GRM8: variants seen among roughly 807,000 people sequenced by gnomAD.
The protein encoded by GRM8 is metabotropic glutamate receptor 8.
A neutral mutation model predicts 87.2 loss-of-function variants in GRM8; 47 were observed. The observed-to-expected ratio is 0.54, with a 90% CI of 0.43 to 0.69. The LOEUF (loss-of-function observed/expected upper bound fraction) is 0.69, where lower values mean the gene tolerates loss of function less well. Ranked by LOEUF, GRM8 falls within the 30% of genes least tolerant of loss-of-function variation. The probability of loss-of-function intolerance (pLI) is 0.00; values close to 1 mark genes in which losing one functional copy is unlikely to be tolerated. For missense variants in GRM8, 1,019 were observed against 1,139.2 expected (o/e 0.89, Z 1.52); for synonymous variants, 396 against 404.5 (o/e 0.98, Z 0.25).
At chr7:126,654,957 G>A (rs1433543938) in intron 7 of GRM8, among the ~76,000 whole-genome samples, 1 of 152,076 alleles carries the variant, frequency 6.6e-6, no homozygotes, top group Admixed American at 6.6e-5. Flanking sequence ...AGAGCCACAG[G>A]GAACTAATGC....
chr7:126,973,412 C>T (rs1170705816), intron 3 of GRM8, among the ~76,000 whole-genome samples: 1 of 152,168 alleles, frequency 6.6e-6, no homozygotes, highest in Non-Finnish European at 1.5e-5. Context: ...AAGCCTGTAT[C>T]TTAATCCATA....
In GRM8 at chr7:127,087,953, T is replaced by C. The variant is rs560787385; in HGVS notation, c.727+18543A>G. 9.2e-5 allele frequency among the ~76,000 whole-genome samples: 14 copies of C among 152,320 alleles called. No homozygotes were observed. The East Asian group carries it at 2.5e-3, about 27-fold the overall frequency. On this transcript the variant is annotated intron_variant, in intron 3 of 10. Transcript: ENST00000339582. ...ATTCACAGTACAAACAAGGCTTCCATGCTTCCTGACAATCACACATGGAAT... is the reference window on the plus strand; with the variant it reads ...ATTCACAGTACAAACAAGGCTTCCACGCTTCCTGACAATCACACATGGAAT...
intron 2 of GRM8, among the ~76,000 whole-genome samples, chr7:127,136,231 G>C (rs1451478589): frequency 6.6e-6 from 1 of 151,786 alleles, no homozygotes; most frequent in African/African-American, 2.4e-5. Context: ...AATTTAATAT[G>C]AACAGCTCTC....
At chr7:126,721,713 A>T (rs1812411534) in intron 7 of GRM8, among the ~76,000 whole-genome samples, 1 of 152,066 alleles carries the variant, frequency 6.6e-6, no homozygotes, top group Non-Finnish European at 1.5e-5. Context: ...GTTAATTGAA[A>T]ATCAAGCTCT....
chr7:126,567,444 A>T (rs1266146912), intron 8 of GRM8, among the ~76,000 whole-genome samples: 1 of 152,032 alleles, frequency 6.6e-6, no homozygotes, highest in Non-Finnish European at 1.5e-5. Context: ...GCATTAGGAG[A>T]TATACCTAAT....
At chr7:126,770,991 T>A (rs912314279) in intron 6 of GRM8, among the ~76,000 whole-genome samples, 2 of 151,916 alleles carry the variant, frequency 1.3e-5, no homozygotes, top group Admixed American at 6.6e-5. Flanking sequence ...CAAGAAAAAA[T>A]TATGAAAGGG....
At chr7:126,561,220 C>T (rs558572127) in intron 8 of GRM8, among the ~76,000 whole-genome samples, 2 of 152,290 alleles carry the variant, frequency 1.3e-5, no homozygotes, top group African/African-American at 4.8e-5. Flanking sequence ...CACCTGTAGT[C>T]CCAGCACTTT....
chr7:126,691,110 C>T (rs137875747), intron 7 of GRM8, among the ~76,000 whole-genome samples: 424 of 152,304 alleles, frequency 2.8e-3, no homozygotes, highest in African/African-American at 9.2e-3. Context: ...GTGCCCATGG[C>T]GTCCAGGCTA....
At position 126,446,237 on chromosome 7, in the gene GRM8, A is replaced by T; in HGVS notation, c.2566T>A (p.Phe856Ile). The T allele has an allele frequency of 1.2e-6, 2 of 1,613,082 alleles. No homozygotes were observed. The highest frequency in any genetic ancestry group is 2.7e-5 in the African/African-American group (2 of 74,930). Residue 856 changes from phenylalanine to isoleucine, a missense_variant, in exon 10 of 11, where the codon TTC (phenylalanine) becomes ATC (isoleucine). Phe to Ile is a conservative substitution (Grantham distance 21). Coordinates refer to ENST00000339582, the MANE Select transcript of GRM8 (RefSeq NM_000845.3). ...GTGGCAGCTGTCACCACAGCCTTGA[A>T]GCTCCTCTTGCGTTTTTGAACATTC... is the stretch of plus-strand genomic sequence containing the variant. ...EQNVQKRKRS[F>I]KAVVTAATMQ...
At chr7:127,128,532 T>C (rs1197136542) in intron 2 of GRM8, among the ~76,000 whole-genome samples, 1 of 152,142 alleles carries the variant, frequency 6.6e-6, no homozygotes, top group Non-Finnish European at 1.5e-5. Context: ...ATCTGAAAGA[T>C]CCCTTCAATG....
intron 7 of GRM8, among the ~76,000 whole-genome samples, chr7:126,722,712 T>C (rs1812515703): frequency 6.6e-6 from 1 of 151,870 alleles, no homozygotes; most frequent in African/African-American, 2.4e-5. Flanking sequence ...TCTTCTGTTT[T>C]GAGCAGTCTT....
intron 9 of GRM8, among the ~76,000 whole-genome samples, chr7:126,479,723 G>A (rs546470369): frequency 7.9e-4 from 116 of 147,334 alleles, no homozygotes; most frequent in Non-Finnish European, 1.4e-3. Context: ...AAACTTTATC[G>A]TGGAGATGAC....
intron 7 of GRM8, among the ~76,000 whole-genome samples, chr7:126,692,967 T>C (rs1207169031): frequency 6.6e-6 from 1 of 152,232 alleles, no homozygotes; most frequent in Non-Finnish European, 1.5e-5. Context: ...ACTATCCTTA[T>C]TAAATTATTT....
chr7:126,614,708 C>A (rs962788098), intron 7 of GRM8, among the ~76,000 whole-genome samples: 2 of 152,024 alleles, frequency 1.3e-5, no homozygotes, highest in African/African-American at 4.8e-5. Flanking sequence ...AACTATGGCA[C>A]GAGAAATACG....
At chr7:127,064,232 T>G (rs1820887651) in intron 3 of GRM8, among the ~76,000 whole-genome samples, 4 of 152,172 alleles carry the variant, frequency 2.6e-5, no homozygotes. Flanking sequence ...ATGTTGAAGT[T>G]TTTCACTATT....
intron 3 of GRM8, among the ~76,000 whole-genome samples, chr7:126,926,672 T>C (rs1372731796): frequency 6.6e-6 from 1 of 152,322 alleles, no homozygotes; most frequent in African/African-American, 2.4e-5. Flanking sequence ...CTCTTCATAA[T>C]TTAGCTCAGA....
At chr7:126,479,690 T>C (rs1806428299) in intron 9 of GRM8, among the ~76,000 whole-genome samples, 1 of 152,100 alleles carries the variant, frequency 6.6e-6, no homozygotes, top group Non-Finnish European at 1.5e-5. Flanking sequence ...AACATTAATG[T>C]ACGGATTTTT....
At chr7:127,166,584 G>A (rs564239827) in intron 2 of GRM8, among the ~76,000 whole-genome samples, 52 of 152,230 alleles carry the variant, frequency 3.4e-4, no homozygotes, top group African/African-American at 1.1e-3. Flanking sequence ...CAGGAAAGGC[G>A]GCGATGGGAC....
intron 2 of GRM8, among the ~76,000 whole-genome samples, chr7:127,127,054 T>C (rs984360076): frequency 9.9e-5 from 15 of 151,956 alleles, no homozygotes; most frequent in African/African-American, 2.9e-4. Context: ...TTCCTAAAGG[T>C]AGAAACTGAC....
Sources: allele counts gnomAD v4.1 joint callset (sites outside exome capture counted in the v4.1 genomes callset), GRCh38; gene constraint gnomAD v4.1.1; transcripts MANE v1.5; gene names NCBI Gene and HGNC (gene_info 2026-07-23, HGNC 2026-07-21).